Variants in CCDC148 observed in about 807,000 individuals in gnomAD.
CCDC148 encodes the protein coiled-coil domain-containing protein 148.
A neutral mutation model predicts 85.7 loss-of-function variants in CCDC148; 89 were observed. The ratio of observed to expected loss-of-function variants is 1.04; its 90% CI spans 0.87 to 1.24. The LOEUF is 1.24. Ranked by LOEUF, CCDC148 falls within the 50% of genes most tolerant of loss-of-function variation. The probability of loss-of-function intolerance (pLI) is 0.00; values close to 1 mark genes in which losing one functional copy is unlikely to be tolerated. For missense variants in CCDC148, 692 were observed against 671.7 expected, an observed-to-expected ratio of 1.03 and a Z score of -0.33; for synonymous variants, 230 against 213.9, an observed-to-expected ratio of 1.08 and a Z score of -0.66.
intron 10 of CCDC148, among the ~76,000 whole-genome samples, chr2:158,227,060 T>C (rs1029407938): frequency 2.6e-5 from 4 of 151,946 alleles, no homozygotes; most frequent in Non-Finnish European, 2.9e-5. Flanking sequence ...GAAAACCCCA[T>C]CGTCTCAGCC....
intron 9 of CCDC148, among the ~76,000 whole-genome samples, chr2:158,279,650 T>C (rs1477103585): frequency 1.3e-5 from 2 of 152,146 alleles, no homozygotes; most frequent in Admixed American, 6.5e-5. Flanking sequence ...CTACATCTGA[T>C]TGGTGTACCT....
intron 10 of CCDC148, among the ~76,000 whole-genome samples, chr2:158,239,442 A>G (rs1032000941): frequency 2.0e-5 from 3 of 152,028 alleles, no homozygotes; most frequent in Non-Finnish European, 4.4e-5. Context: ...TGAAACCAGA[A>G]AAGTGAGCTT....
At chr2:158,321,762 T>A (rs970464871) in intron 7 of CCDC148, among the ~76,000 whole-genome samples, 1 of 152,244 alleles carries the variant, frequency 6.6e-6, no homozygotes, top group South Asian at 2.1e-4. Flanking sequence ...TGTTGCCTTC[T>A]GATGCTGACT....
At chr2:158,335,254 T>A (rs941588806) in intron 7 of CCDC148, among the ~76,000 whole-genome samples, 3 of 152,202 alleles carry the variant, frequency 2.0e-5, no homozygotes, top group Admixed American at 6.5e-5. Context: ...AAGATACTGC[T>A]TTTCACAAGC....
intron 2 of CCDC148, among the ~76,000 whole-genome samples, chr2:158,350,542 A>C (rs1234533707): frequency 6.6e-6 from 1 of 152,204 alleles, no homozygotes; most frequent in Non-Finnish European, 1.5e-5. Flanking sequence ...CTTTTGGTCC[A>C]GATGTCCCAA....
chr2:158,207,757 C>T (rs954514647), intron 11 of CCDC148: 16 of 152,144 alleles, frequency 1.1e-4, no homozygotes, highest in African/African-American at 3.9e-4. Flanking sequence ...AAAAGTCAAC[C>T]TATGCAAGCA....
intron 9 of CCDC148, among the ~76,000 whole-genome samples, chr2:158,282,720 T>C (rs182234550): frequency 0.18 from 26,950 of 152,100 alleles, 3,086 homozygotes; most frequent in Middle Eastern, 0.26. Context: ...AATTTATAGA[T>C]TCAATGCCAT....
intron 1 of CCDC148, among the ~76,000 whole-genome samples, chr2:158,369,266 T>G (rs1180317792): frequency 1.3e-5 from 2 of 152,172 alleles, no homozygotes; most frequent in Non-Finnish European, 2.9e-5. Flanking sequence ...CTTTGGGCAG[T>G]ATGGCCATTT....
At chr2:158,178,322 T>C (rs1684695955) in intron 12 of CCDC148, among the ~76,000 whole-genome samples, 1 of 152,146 alleles carries the variant, frequency 6.6e-6, no homozygotes, top group Non-Finnish European at 1.5e-5. Context: ...AGTAAAACTA[T>C]CACATTTCCT....
At chr2:158,442,273 G>A (rs561894668) in intron 1 of CCDC148, among the ~76,000 whole-genome samples, 3 of 152,234 alleles carry the variant, frequency 2.0e-5, no homozygotes, top group African/African-American at 4.8e-5. Context: ...GCAAAGAAAT[G>A]TTTTTGTCAA....
intron 10 of CCDC148, among the ~76,000 whole-genome samples, chr2:158,231,598 C>T (rs892886508): frequency 1.3e-5 from 2 of 152,276 alleles, no homozygotes; most frequent in East Asian, 3.9e-4. Flanking sequence ...CTCCCTCTCC[C>T]TCTCCTCCAG....
At chr2:158,406,766 G>A (rs1410629341) in intron 1 of CCDC148, among the ~76,000 whole-genome samples, 1 of 151,610 alleles carries the variant, frequency 6.6e-6, no homozygotes, top group African/African-American at 2.4e-5. Context: ...GGAGCTAGAG[G>A]CATGCACTGC....
intron 1 of CCDC148, among the ~76,000 whole-genome samples, chr2:158,373,937 A>G (rs72997376): frequency 0.18 from 27,815 of 152,020 alleles, 4,272 homozygotes; most frequent in African/African-American, 0.42. Context: ...GCCTAAAATA[A>G]TATCTGGTCC....
At position 158,386,797 on chromosome 2, in the gene CCDC148, C is replaced by T. The variant is rs1685104546; in HGVS notation, c.26-28227G>A. On this transcript the variant is annotated intron_variant, in intron 1 of 13. Coordinates refer to ENST00000283233, the MANE Select transcript of CCDC148 (RefSeq NM_138803.4). Reference sequence around the variant, plus strand: ...ATTTTCCCCTCATCCTTCCCATACTCCTTCCCACATATTCTACCTCCCCTC... The same window carrying T: ...ATTTTCCCCTCATCCTTCCCATACTTCTTCCCACATATTCTACCTCCCCTC... Among the ~76,000 whole-genome samples the T allele has an allele frequency of 2.0e-5, 3 of 152,146 alleles. No individual in the cohort carries two copies. In the South Asian group the frequency reaches 6.2e-4, roughly 31 times the overall value.
chr2:158,384,943 G>T (rs1685023764), intron 1 of CCDC148, among the ~76,000 whole-genome samples: 1 of 152,128 alleles, frequency 6.6e-6, no homozygotes, highest in South Asian at 2.1e-4. Context: ...AGAACCTTAA[G>T]GGAAAACCCA....
intron 10 of CCDC148, among the ~76,000 whole-genome samples, chr2:158,222,472 C>G (rs1687240592): frequency 6.7e-6 from 1 of 150,196 alleles, no homozygotes; most frequent in Admixed American, 6.6e-5. Flanking sequence ...CTCTCTCTTT[C>G]TCTCTCTCTC....
intron 2 of CCDC148, among the ~76,000 whole-genome samples, chr2:158,348,964 C>T (rs1042483422): frequency 6.6e-6 from 1 of 151,982 alleles, no homozygotes; most frequent in Non-Finnish European, 1.5e-5. Context: ...CAAAATTGGT[C>T]TCAGTTTTTA....
intron 4 of CCDC148, 90 bp downstream of exon 4, chr2:158,340,508 A>T: frequency 7.1e-7 from 1 of 1,401,830 alleles, no homozygotes; most frequent in South Asian, 1.3e-5. Flanking sequence ...AACAAATGGC[A>T]GTTAATATTA....
chr2:158,255,354 T>C (rs1030384696), intron 9 of CCDC148, among the ~76,000 whole-genome samples: 1 of 151,496 alleles, frequency 6.6e-6, no homozygotes, highest in African/African-American at 2.4e-5. Flanking sequence ...AGTGGTAAGA[T>C]CTTGATAATG....
Sources: gnomAD v4.1 joint callset for allele counts (sites outside exome capture counted in the v4.1 genomes callset) on GRCh38, gnomAD v4.1.1 for gene constraint, MANE v1.5 for transcripts, NCBI Gene and HGNC (gene_info 2026-07-23, HGNC 2026-07-21) for gene names.